SHANK2: variants seen among roughly 807,000 people sequenced by gnomAD.
SHANK2 encodes SH3 and multiple ankyrin repeat domains protein 2.
Under a neutral mutation model 133.7 loss-of-function variants are expected in SHANK2, and 43 were observed. That is an observed-to-expected ratio of 0.32 (90% CI 0.25 to 0.41). The LOEUF is 0.41. Ranked by LOEUF, SHANK2 falls within the 10% of genes least tolerant of loss-of-function variation. The probability of loss-of-function intolerance (pLI) is 1.00; values close to 1 mark genes in which losing one functional copy is unlikely to be tolerated. For synonymous variants in SHANK2, 1,017 were observed against 952.8 expected (o/e 1.07, Z -1.24); for missense variants, 1,994 against 2,235.8 (o/e 0.89, Z 2.18).
At chr11:70,605,806 C>G (rs1015594952) in intron 17 of SHANK2, among the ~76,000 whole-genome samples, 2 of 152,164 alleles carry the variant, frequency 1.3e-5, no homozygotes, top group East Asian at 1.9e-4. Context: ...GGAAACTGCA[C>G]GGCAACAGGC....
intron 2 of SHANK2, among the ~76,000 whole-genome samples, chr11:71,172,559 C>G (rs1953337196): frequency 1.4e-5 from 2 of 143,838 alleles, no homozygotes; most frequent in South Asian, 4.4e-4. Flanking sequence ...GATCGCACCA[C>G]TGCAGTCCAG....
At chr11:71,072,909 C>T (rs1951161406) in intron 9 of SHANK2, among the ~76,000 whole-genome samples, 1 of 152,074 alleles carries the variant, frequency 6.6e-6, no homozygotes, top group South Asian at 2.1e-4. Context: ...GGGAGAGTTA[C>T]ATTTGATGGG....
At chr11:71,167,755 G>A (rs1478257087) in intron 2 of SHANK2, among the ~76,000 whole-genome samples, 6 of 135,292 alleles carry the variant, frequency 4.4e-5, no homozygotes, top group South Asian at 2.5e-4. Context: ...GGGCAGAGGC[G>A]TCCCTCACCT....
chr11:71,151,216 G>A (rs1555108022), intron 2 of SHANK2, among the ~76,000 whole-genome samples: 3 of 152,100 alleles, frequency 2.0e-5, no homozygotes, highest in African/African-American at 7.2e-5. Flanking sequence ...TTTTATAACT[G>A]GGGGGCCCTG....
chr11:70,951,224 C>T (rs113958003), intron 10 of SHANK2, among the ~76,000 whole-genome samples: 5,075 of 63,264 alleles, frequency 0.08, no homozygotes, highest in East Asian at 0.15. Flanking sequence ...GCTGCTGCAC[C>T]GTGACGTCAT....
chr11:71,143,002 G>C (rs1338094359), intron 3 of SHANK2, among the ~76,000 whole-genome samples: 1 of 152,194 alleles, frequency 6.6e-6, no homozygotes, highest in Non-Finnish European at 1.5e-5. Flanking sequence ...GGGAGGCCGA[G>C]GCAGGTGGTT....
chr11:70,813,329 C>T (rs969613023), intron 12 of SHANK2, among the ~76,000 whole-genome samples: 18 of 152,134 alleles, frequency 1.2e-4, no homozygotes, highest in South Asian at 2.1e-4. Flanking sequence ...CAGGGATGTT[C>T]GGGGAGAAAT....
intron 11 of SHANK2, among the ~76,000 whole-genome samples, chr11:70,827,097 A>G (rs1047771896): frequency 6.6e-6 from 1 of 152,198 alleles, no homozygotes; most frequent in Admixed American, 6.5e-5. Flanking sequence ...TAAGCTTCAC[A>G]CCAGACCCAC....
At chr11:70,833,373 C>T (rs1298027159) in intron 11 of SHANK2, among the ~76,000 whole-genome samples, 1 of 152,246 alleles carries the variant, frequency 6.6e-6, no homozygotes, top group Non-Finnish European at 1.5e-5. Context: ...CCTCCTGCAT[C>T]AACAAGCCAG....
rs782421767 is a variant in SHANK2, at chr11:70,502,905, G to A, written c.2088C>T (p.Val696=). The stretch of plus-strand genomic sequence containing the variant: ...TCATGTTCACCACCTGCCTGTGGCC[G>A]ACTTTGACAACATTCTCATTGTTAA... ...IEVNNENVVK[V]GHRQVVNMIR... The change falls in exon 18 of 26, where the codon GTC becomes GTT. Residue 696 remains valine (V), a synonymous_variant. Coordinates refer to ENST00000601538, the MANE Select transcript of SHANK2 (RefSeq NM_012309.5). The A allele has an allele frequency of 9.3e-6, 15 of 1,614,004 alleles. No homozygotes were observed. Among genetic ancestry groups the A allele is most frequent in the Non-Finnish European group, 1.1e-5 (13 of 1,180,020 alleles).
intron 3 of SHANK2, among the ~76,000 whole-genome samples, chr11:71,125,221 T>A (rs1952159957): frequency 6.6e-6 from 1 of 152,042 alleles, no homozygotes; most frequent in Non-Finnish European, 1.5e-5. Context: ...GAGTCACACA[T>A]CTCTCATTTT....
intron 12 of SHANK2, among the ~76,000 whole-genome samples, chr11:70,819,881 TCTC>T (rs1190422337): frequency 6.6e-6 from 1 of 152,014 alleles, no homozygotes; most frequent in Non-Finnish European, 1.5e-5. Flanking sequence ...CCCCCAGCAT[TCTC>T]CTCTGGGCTG....
At chr11:70,597,567 A>G (rs1404476680) in intron 17 of SHANK2, among the ~76,000 whole-genome samples, 2 of 152,156 alleles carry the variant, frequency 1.3e-5, no homozygotes, top group African/African-American at 4.8e-5. Flanking sequence ...CTGAGCAGGC[A>G]TATCAGAAAA....
At chr11:70,729,900 T>TA (rs549153711) in intron 14 of SHANK2, among the ~76,000 whole-genome samples, 2,163 of 108,344 alleles carry the variant, frequency 0.02, 41 homozygotes, top group African/African-American at 0.059. Context: ...AAAGTGTTAC[T>TA]AAAAAAAAAA....
chr11:70,722,931 GA>G (rs1946100324), intron 14 of SHANK2, among the ~76,000 whole-genome samples: 1 of 152,138 alleles, frequency 6.6e-6, no homozygotes. Context: ...GCTTTCAAAA[GA>G]AACCTACTTT....
chr11:70,540,065 A>G (rs1425431292), intron 17 of SHANK2, among the ~76,000 whole-genome samples: 1 of 152,150 alleles, frequency 6.6e-6, no homozygotes, highest in African/African-American at 2.4e-5. Flanking sequence ...CCAGTAGATC[A>G]GGGGCTGCCC....
At chr11:70,829,517 C>A (rs1463795739) in intron 11 of SHANK2, among the ~76,000 whole-genome samples, 2 of 152,282 alleles carry the variant, frequency 1.3e-5, no homozygotes, top group East Asian at 1.9e-4. Flanking sequence ...CCACCCCCAC[C>A]CCTGCACCCC....
intron 11 of SHANK2, among the ~76,000 whole-genome samples, chr11:70,840,430 C>T (rs1331121455): frequency 6.6e-6 from 1 of 152,152 alleles, no homozygotes; most frequent in Non-Finnish European, 1.5e-5. Context: ...TAGAATGCAC[C>T]CCAAAAGTCC....
At chr11:70,545,202 C>A (rs117405363) in intron 17 of SHANK2, among the ~76,000 whole-genome samples, 1 of 152,224 alleles carries the variant, frequency 6.6e-6, no homozygotes, top group Non-Finnish European at 1.5e-5. Context: ...TCCCTGGGCT[C>A]GCGCTGTCTG....
Sources: allele counts gnomAD v4.1 joint callset (sites outside exome capture counted in the v4.1 genomes callset), GRCh38; gene constraint gnomAD v4.1.1; transcripts MANE v1.5; gene names NCBI Gene and HGNC (gene_info 2026-07-23, HGNC 2026-07-21).